The following TNRC6A variants were observed in gnomAD, a reference collection of about 807,000 sequenced individuals.
TNRC6A encodes trinucleotide repeat containing adaptor 6A.
In TNRC6A, 44 loss-of-function variants were observed where a neutral mutation model predicts 221.2. The ratio of observed to expected loss-of-function variants is 0.20; its 90% confidence interval spans 0.16 to 0.26. The LOEUF (loss-of-function observed/expected upper bound fraction) is 0.26, where lower values mean the gene tolerates loss of function less well. Among genes scored for constraint, TNRC6A ranks in the 10% least tolerant of loss-of-function variants. The pLI is 1.00. For missense variants in TNRC6A, 2,199 were observed against 2,404.4 expected (o/e 0.91, Z 1.79); for synonymous variants, 847 against 838.5 (o/e 1.01, Z -0.18).
intron 2 of TNRC6A, among the ~76,000 whole-genome samples, chr16:24,681,125 A>G (rs2055525370): frequency 6.6e-6 from 1 of 152,046 alleles, no homozygotes; most frequent in South Asian, 2.1e-4. Context: ...CCATCTCTCC[A>G]ATTAATAATT....
rs199656666 is a variant in TNRC6A at position 24,713,397 on chromosome 16, G to A, written n.403-37329G>A. On this transcript the variant is annotated intron_variant and non_coding_transcript_variant, in intron 2 of 2. Coordinates refer to the TNRC6A transcript ENST00000566108. ...CATGCCAGTGCACTCCAGCCTGGCT[G>A]ACAGAGTAAAACTCTGTCTAAAACA... Among the ~76,000 whole-genome samples, 10 of 151,898 alleles carry A rather than the reference G, an allele frequency of 6.6e-5. No individual in the cohort carries two copies. The South Asian group carries it at 2.1e-3, about 32-fold the overall frequency.
chr16:24,701,098 A>G (rs1206196217), intron 2 of TNRC6A, among the ~76,000 whole-genome samples: 1 of 152,254 alleles, frequency 6.6e-6, no homozygotes, highest in African/African-American at 2.4e-5. Context: ...AAGGCAGTTA[A>G]GTTCAGAGGC....
At chr16:24,660,251 C>T (rs1567332702) in intron 2 of TNRC6A, among the ~76,000 whole-genome samples, 1 of 151,992 alleles carries the variant, frequency 6.6e-6, no homozygotes, top group Non-Finnish European at 1.5e-5. Flanking sequence ...CCCCCTGAGT[C>T]CCCAAAGTCC....
rs1374151914 is a variant in TNRC6A at position 24,729,664 on chromosome 16, G to T, written c.-178G>T. ...AGTGGGGCATTCACTTCCGGTCTGG[G>T]GCCTGCGGCGGCGGCGGTGTCGGCG... is the stretch of plus-strand genomic sequence containing the variant. On this transcript the variant is annotated 5_prime_UTR_variant, in exon 1 of 25. Coordinates refer to ENST00000395799, the MANE Select transcript of TNRC6A (RefSeq NM_014494.4). 4 of 637,914 alleles carry T rather than the reference G, an allele frequency of 6.3e-6. No individual in the cohort carries two copies. The highest frequency in any genetic ancestry group is 9.0e-6 in the Non-Finnish European group (4 of 443,990). The allele number at this position is 637,914 out of a possible 1,614,324, so 39.5% of individuals were successfully genotyped here. A position where few individuals can be genotyped will look rare whatever the true frequency, so the allele number is the denominator to read the frequency against.
At chr16:24,688,842 AGGACTTTAT>A (rs2055693529) in intron 2 of TNRC6A, among the ~76,000 whole-genome samples, 1 of 152,232 alleles carries the variant, frequency 6.6e-6, no homozygotes, top group South Asian at 2.1e-4. Flanking sequence ...ATTCAGAATC[AGGACTTTAT>A]GGATACAATG....
At position 24,790,937 on chromosome 16, in the gene TNRC6A, A is replaced by G; in HGVS notation, c.2295A>G (p.Ala765=). ...CAACACAGACTTTTAACTCAGGGGC[A>G]TGTATAGATAAGACTAGCCCTAATG... ...SSATQTFNSG[A]CIDKTSPNGN... The change falls in exon 6 of 25, where the codon GCA becomes GCG. Residue 765 remains alanine, a synonymous_variant. Transcript: ENST00000395799. The G allele has an allele frequency of 6.2e-7, 1 of 1,613,648 alleles. No homozygotes were observed. Among genetic ancestry groups the G allele is most frequent in the Non-Finnish European group, 8.5e-7 (1 of 1,179,752 alleles).
At chr16:24,750,625 G>T (rs976690444) in intron 2 of TNRC6A, 101 bp from the exon 3 acceptor site, 26 of 1,303,598 alleles carry the variant, frequency 2.0e-5, no homozygotes, top group Middle Eastern at 2.2e-4. Context: ...AATTTGCCAT[G>T]TCTTCTAATA....
intron 11 of TNRC6A, chr16:24,798,191 A>C: frequency 2.8e-6 from 1 of 358,904 alleles, no homozygotes; most frequent in Non-Finnish European, 5.0e-6. Context: ...AATCCTGCCA[A>C]GAGGGAGTTA....
chr16:24,775,822 TG>T (rs936288471), intron 4 of TNRC6A, among the ~76,000 whole-genome samples: 1 of 152,098 alleles, frequency 6.6e-6, no homozygotes, highest in African/African-American at 2.4e-5. Context: ...ACCAGTAACA[TG>T]GGGGTGTTTC....
chr16:24,699,797 A>G (rs1201570332), intron 2 of TNRC6A, among the ~76,000 whole-genome samples: 1 of 152,050 alleles, frequency 6.6e-6, no homozygotes, highest in Non-Finnish European at 1.5e-5. Context: ...CACTGAGCTG[A>G]AGGGCCACAG....
Position 24,777,942 on chromosome 16 carries a change from A to T in TNRC6A, c.589+584A>T, listed in dbSNP as rs74013499. ...CTGGTATGTGATTACAGGTTTTCTCAAAACCCAGTTTGTTTCAACATGTTC... is the reference window on the plus strand; with the variant it reads ...CTGGTATGTGATTACAGGTTTTCTCTAAACCCAGTTTGTTTCAACATGTTC... On this transcript the variant is annotated intron_variant, in intron 5 of 24. Coordinates refer to ENST00000395799, the MANE Select transcript of TNRC6A (RefSeq NM_014494.4). Among the ~76,000 whole-genome samples, 1,030 of 152,312 alleles carry T rather than the reference A, an allele frequency of 6.8e-3. 9 individuals are homozygous for T. Among genetic ancestry groups the T allele is most frequent in the African/African-American group, 0.024 (983 of 41,570 alleles).
At chr16:24,762,507 A>C (rs757364300) in intron 4 of TNRC6A, among the ~76,000 whole-genome samples, 53 of 152,192 alleles carry the variant, frequency 3.5e-4, no homozygotes, top group African/African-American at 1.3e-3. Flanking sequence ...AAGCTTCTTA[A>C]TGTGCTAAGA....
At chr16:24,807,271 T>TGGGCA (rs2058453956) in intron 17 of TNRC6A, among the ~76,000 whole-genome samples, 1 of 152,154 alleles carries the variant, frequency 6.6e-6, no homozygotes, top group East Asian at 1.9e-4. Flanking sequence ...TCCCAAAGTG[T>TGGGCA]TGGGATTACA....
chr16:24,805,805 T>G, intron 15 of TNRC6A, 72 bp downstream of exon 15: 1 of 1,595,250 alleles, frequency 6.3e-7, no homozygotes, highest in Non-Finnish European at 8.6e-7. Flanking sequence ...CTAGACTCTG[T>G]GCGGGACATA....
intron 9 of TNRC6A, among the ~76,000 whole-genome samples, chr16:24,796,915 G>A (rs750872912): frequency 6.0e-4 from 92 of 152,178 alleles, no homozygotes; most frequent in East Asian, 3.9e-4. Flanking sequence ...CCAACCAGCC[G>A]CAGAGAGCCA....
intron 5 of TNRC6A, among the ~76,000 whole-genome samples, chr16:24,783,790 A>T (rs569563142): frequency 6.6e-6 from 1 of 152,290 alleles, no homozygotes; most frequent in South Asian, 2.1e-4. Context: ...ATAATACTCT[A>T]CTTAATGATG....
At chr16:24,772,105 C>G (rs2057624287) in intron 4 of TNRC6A, among the ~76,000 whole-genome samples, 1 of 152,132 alleles carries the variant, frequency 6.6e-6, no homozygotes, top group African/African-American at 2.4e-5. Context: ...TAACATAGTT[C>G]AATTTAGTTG....
intron 2 of TNRC6A, chr16:24,663,086 T>C (rs994359711): frequency 6.5e-6 from 1 of 153,760 alleles, no homozygotes; most frequent in Non-Finnish European, 1.5e-5. Flanking sequence ...AGCAGGGGCC[T>C]CTTTCAGTTT....
Position 24,806,247 on chromosome 16 carries a change from C to T in TNRC6A, c.4293C>T (p.Ser1431=), listed in dbSNP as rs574804099. 48 of 1,614,200 alleles carry T rather than the reference C, an allele frequency of 3.0e-5. No individual in the cohort carries two copies. The highest frequency in any genetic ancestry group is 1.2e-4 in the African/African-American group (9 of 75,058). ...AQQQRAQSQR[S]VPSGNRPQQD... is the part of the protein sequence containing the mutation. ...AGCAAAGGGCGCAGAGTCAGAGAAGCGTGCCTTCTGGGAACCGGCCGCAGC... is the reference window on the plus strand; with the variant it reads ...AGCAAAGGGCGCAGAGTCAGAGAAGTGTGCCTTCTGGGAACCGGCCGCAGC... The change falls in exon 16 of 25, where the codon AGC becomes AGT. Residue 1431 remains serine, a synonymous_variant. Coordinates refer to ENST00000395799, the MANE Select transcript of TNRC6A (RefSeq NM_014494.4).
Sources: gnomAD v4.1 joint callset for allele counts (sites outside exome capture counted in the v4.1 genomes callset) on GRCh38, gnomAD v4.1.1 for gene constraint, MANE v1.5 for transcripts, NCBI Gene and HGNC (gene_info 2026-07-23, HGNC 2026-07-21) for gene names.